Variants in FUT8 observed in about 807,000 individuals in gnomAD.
FUT8 encodes fucosyltransferase 8.
Under a neutral mutation model 71.3 loss-of-function variants are expected in FUT8, and 29 were observed. The ratio of observed to expected loss-of-function variants is 0.41; its 90% CI spans 0.30 to 0.55. The LOEUF is 0.55. Among genes scored for constraint, FUT8 ranks in the 20% least tolerant of loss-of-function variants. The pLI, the probability that FUT8 is intolerant of heterozygous loss-of-function variation, is 0.34. For missense variants in FUT8, 544 were observed against 702.1 expected, an observed-to-expected ratio of 0.77 and a Z score of 2.55; for synonymous variants, 254 against 239.3, an observed-to-expected ratio of 1.06 and a Z score of -0.57.
intron 1 of FUT8, among the ~76,000 whole-genome samples, chr14:65,434,987 C>T (rs780032802): frequency 6.6e-6 from 1 of 152,170 alleles, no homozygotes; most frequent in Admixed American, 6.5e-5. Flanking sequence ...AACCTCTCCC[C>T]CTAAGTTCAT....
chr14:65,637,450 C>A (rs56258162), intron 6 of FUT8, among the ~76,000 whole-genome samples: 1 of 152,000 alleles, frequency 6.6e-6, no homozygotes, highest in Admixed American at 6.6e-5. Context: ...AGGATATCTC[C>A]GAGTTTAACT....
chr14:65,534,182 G>A (rs1361899293), intron 2 of FUT8, among the ~76,000 whole-genome samples: 1 of 152,018 alleles, frequency 6.6e-6, no homozygotes, highest in Non-Finnish European at 1.5e-5. Context: ...GGAGTACAGT[G>A]TGCAAACATG....
intron 5 of FUT8, chr14:65,617,173 A>G: frequency 6.3e-7 from 1 of 1,576,748 alleles, no homozygotes; most frequent in Non-Finnish European, 8.6e-7. Flanking sequence ...GTGAAGAGGA[A>G]AAGAATTACC....
intron 6 of FUT8, among the ~76,000 whole-genome samples, chr14:65,653,458 A>C (rs1456431422): frequency 6.6e-6 from 1 of 152,198 alleles, no homozygotes; most frequent in Non-Finnish European, 1.5e-5. Context: ...AAAGAAAAGA[A>C]ATTGAAGAAG....
At chr14:65,468,955 G>A (rs759936889) in intron 2 of FUT8, among the ~76,000 whole-genome samples, 21 of 150,796 alleles carry the variant, frequency 1.4e-4, no homozygotes, top group Admixed American at 2.7e-4. Context: ...GTGCCACCAT[G>A]CCTGGCGATT....
chr14:65,484,566 C>T (rs545199498), intron 2 of FUT8, among the ~76,000 whole-genome samples: 24 of 151,842 alleles, frequency 1.6e-4, no homozygotes, highest in African/African-American at 5.3e-4. Context: ...CCCAGTTACT[C>T]GGGAGGCTGA....
At chr14:65,606,380 A>AC (rs1888591495) in intron 3 of FUT8, among the ~76,000 whole-genome samples, 1 of 151,618 alleles carries the variant, frequency 6.6e-6, no homozygotes, top group Non-Finnish European at 1.5e-5. Context: ...CCCTGCCCAA[A>AC]AATTTTTAAG....
chr14:65,523,425 G>GT (rs147422602), intron 2 of FUT8, among the ~76,000 whole-genome samples: 54,108 of 151,952 alleles, frequency 0.36, 11,974 homozygotes, highest in Non-Finnish European at 0.5. Flanking sequence ...GAGGTTGTTT[G>GT]TTTTTTTCTT....
At position 65,512,598 on chromosome 14, in the gene FUT8, G is replaced by A. The variant is rs76606673; in HGVS notation, c.-227-48739G>A. Among the ~76,000 whole-genome samples the A allele has an allele frequency of 5.7e-3, 869 of 151,970 alleles. 30 individuals carry two copies. In the East Asian group the frequency reaches 0.093, roughly 16 times the overall value. ...TAAAGGAGATATGAAAGTAACTTAG[G>A]TTTGATTTTTGTTTGAAATTGTGAT... On this transcript the variant is annotated intron_variant, in intron 2 of 10. Coordinates refer to ENST00000673929, the MANE Select transcript of FUT8 (RefSeq NM_001371533.1).
rs147714733 is a variant in FUT8 at position 65,418,707 on chromosome 14, CTACT to C, written c.-326+5499_-326+5502del. Among the ~76,000 whole-genome samples, 872 of 152,270 alleles carry C rather than the reference CTACT, an allele frequency of 5.7e-3. 30 individuals are homozygous for C. The East Asian group carries it at 0.092, about 16-fold the overall frequency. The stretch of plus-strand genomic sequence containing the variant: ...ATTTATTCAGTTTTTCTCTTTCCCT[CTACT>C]TACTTCTCCTTGTTTGTCATCCTCT... On this transcript the variant is annotated intron_variant, in intron 1 of 10. Transcript: ENST00000673929.
the FUT8 span, among the ~76,000 whole-genome samples, chr14:65,362,742 C>T: frequency 8.9e-4 from 135 of 151,562 alleles, no homozygotes; most frequent in Middle Eastern, 0.021. Flanking sequence ...GCGGGTGAAT[C>T]ACAAGGTCAG....
At chr14:65,576,716 T>C in intron 3 of FUT8, among the ~76,000 whole-genome samples, 1 of 30,828 alleles carries the variant, frequency 3.2e-5, no homozygotes, top group Non-Finnish European at 1.5e-4. Flanking sequence ...TTTTTTTTTT[T>C]TTTTTTTTTT....
intron 6 of FUT8, among the ~76,000 whole-genome samples, chr14:65,649,361 C>G (rs1465609074): frequency 6.6e-6 from 1 of 152,122 alleles, no homozygotes; most frequent in East Asian, 1.9e-4. Context: ...GAATCTTCTT[C>G]CCTTGGAGTG....
At chr14:65,535,943 A>G (rs1244196606) in intron 2 of FUT8, among the ~76,000 whole-genome samples, 3 of 152,080 alleles carry the variant, frequency 2.0e-5, no homozygotes, top group Admixed American at 6.6e-5. Flanking sequence ...TAGGAACTTG[A>G]TTTATGAATC....
rs115557354 is a variant in FUT8 at position 65,710,727 on chromosome 14, G to A, written c.836-11048G>A. On this transcript the variant is annotated intron_variant, in intron 7 of 10. Transcript: ENST00000673929. The stretch of plus-strand genomic sequence containing the variant: ...ATACCCTTTCTAGCACAGTGTTCAC[G>A]TAGTAGTTGTTTTAGCTCGTTTTGC... 6.9e-3 allele frequency among the ~76,000 whole-genome samples: 1,055 copies of A among 152,224 alleles called. 13 individuals carry two copies. The highest frequency in any genetic ancestry group is 0.023 in the African/African-American group (955 of 41,526).
At chr14:65,705,384 A>G (rs186098019) in intron 7 of FUT8, among the ~76,000 whole-genome samples, 13 of 152,296 alleles carry the variant, frequency 8.5e-5, no homozygotes, top group Admixed American at 5.9e-4. Flanking sequence ...TTGAAATCCC[A>G]AAGAATAGAC....
In FUT8 at chr14:65,659,396, G is replaced by T. The variant is rs1268282407; in HGVS notation, c.598-9847G>T. Among the ~76,000 whole-genome samples the T allele has an allele frequency of 2.6e-5, 4 of 152,090 alleles. No individual in the cohort carries two copies. The South Asian group carries it at 6.2e-4, about 24-fold the overall frequency. ...TAAAGCCAGTGAATAGACAAGTGCT[G>T]TAAGTACCAGTACTACCCAGAAGAA... On this transcript the variant is annotated intron_variant, in intron 6 of 10. Transcript: ENST00000673929.
intron 2 of FUT8, among the ~76,000 whole-genome samples, chr14:65,519,943 T>C (rs1882969549): frequency 6.6e-6 from 1 of 152,108 alleles, no homozygotes; most frequent in Non-Finnish European, 1.5e-5. Context: ...TACACCTGGC[T>C]AATTTTTGTA....
the FUT8 span, among the ~76,000 whole-genome samples, chr14:65,404,372 C>G: frequency 6.6e-6 from 1 of 151,576 alleles, no homozygotes; most frequent in Non-Finnish European, 1.5e-5. Flanking sequence ...TGGGGTTTTG[C>G]CATCTTGGCC....
Sources: allele counts gnomAD v4.1 joint callset (sites outside exome capture counted in the v4.1 genomes callset), GRCh38; gene constraint gnomAD v4.1.1; transcripts MANE v1.5; gene names NCBI Gene and HGNC (gene_info 2026-07-23, HGNC 2026-07-21).